Variants in ARHGAP44 observed in about 807,000 individuals in gnomAD.
The protein encoded by ARHGAP44 is rho GTPase-activating protein 44.
In ARHGAP44, 43 loss-of-function variants were observed where a neutral mutation model predicts 106.8. The observed-to-expected ratio is 0.40, with a 90% CI of 0.32 to 0.52. ARHGAP44 has a LOEUF of 0.52. Among genes scored for constraint, ARHGAP44 ranks in the 20% least tolerant of loss-of-function variants. ARHGAP44 has a pLI of 0.48. For synonymous variants in ARHGAP44, 439 were observed against 410.3 expected (o/e 1.07, Z -0.85); for missense variants, 866 against 1,050.5 (o/e 0.82, Z 2.43).
At chr17:12,794,078 G>A (rs73978216) in intron 1 of ARHGAP44, among the ~76,000 whole-genome samples, 3,413 of 152,264 alleles carry the variant, frequency 0.022, 69 homozygotes, top group African/African-American at 0.042. Context: ...TTTGGTTCTT[G>A]CCTGATTGAT....
At chr17:12,860,222 G>T (rs2036028824) in intron 1 of ARHGAP44, among the ~76,000 whole-genome samples, 1 of 152,128 alleles carries the variant, frequency 6.6e-6, no homozygotes, top group South Asian at 2.1e-4. Flanking sequence ...TTAATACATT[G>T]ACATTATCCA....
intron 1 of ARHGAP44, among the ~76,000 whole-genome samples, chr17:12,879,693 A>G (rs2036664967): frequency 1.0e-5 from 1 of 98,938 alleles, no homozygotes; most frequent in Admixed American, 1.2e-4. Flanking sequence ...GTATATATAT[A>G]TATACACATA....
At chr17:12,919,889 G>A in intron 6 of ARHGAP44, 58 bp downstream of exon 6, 1 of 1,490,598 alleles carries the variant, frequency 6.7e-7, no homozygotes. Flanking sequence ...CATATTTTGG[G>A]CGGGTGGGTT....
chr17:12,796,056 G>GA lies in ARHGAP44; in HGVS notation c.53+6174dup, dbSNP rs530183613. On this transcript the variant is annotated intron_variant, in intron 1 of 20. Coordinates refer to ENST00000379672, the MANE Select transcript of ARHGAP44 (RefSeq NM_014859.6). ...CATAAACTTATGGATGGGCTAAAAGGAAAAAAAAATCACCTATAATCTCAT... is the reference window on the plus strand; with the variant it reads ...CATAAACTTATGGATGGGCTAAAAGGAAAAAAAAAATCACCTATAATCTCAT... Among the ~76,000 whole-genome samples the GA allele has an allele frequency of 1.4e-4, 21 of 149,964 alleles. 1 individual carries two copies. The highest frequency in any genetic ancestry group is 5.3e-4 in the Admixed American group (8 of 15,030).
intron 18 of ARHGAP44, among the ~76,000 whole-genome samples, chr17:12,976,610 G>A (rs2039689288): frequency 1.4e-5 from 1 of 73,534 alleles, no homozygotes; most frequent in African/African-American, 6.2e-5. Flanking sequence ...GAGACTCTGT[G>A]TCAAAAAAAA....
At chr17:12,901,134 G>A (rs113872965) in intron 3 of ARHGAP44, among the ~76,000 whole-genome samples, 4,854 of 152,012 alleles carry the variant, frequency 0.032, 264 homozygotes, top group African/African-American at 0.11. Flanking sequence ...ATGTTGGCCA[G>A]GCTGGTATCA....
At chr17:12,846,755 A>G (rs921367692) in intron 1 of ARHGAP44, among the ~76,000 whole-genome samples, 2 of 152,268 alleles carry the variant, frequency 1.3e-5, no homozygotes, top group Admixed American at 1.3e-4. Flanking sequence ...GAATGAATGA[A>G]AAACAGGACC....
chr17:12,831,032 C>T (rs1409754972), intron 1 of ARHGAP44, among the ~76,000 whole-genome samples: 2 of 152,194 alleles, frequency 1.3e-5, no homozygotes, highest in Non-Finnish European at 2.9e-5. Flanking sequence ...TGTCCACTTG[C>T]ACAGTTTTTA....
At chr17:12,970,207 A>AG (rs398119709) in intron 16 of ARHGAP44, among the ~76,000 whole-genome samples, 1 of 151,856 alleles carries the variant, frequency 6.6e-6, no homozygotes, top group Non-Finnish European at 1.5e-5. Flanking sequence ...CTCTAAAAAA[A>AG]TTATGAAAAT....
At chr17:12,987,979 T>C (rs1357406869) in intron 20 of ARHGAP44, 2 of 152,066 alleles carry the variant, frequency 1.3e-5, no homozygotes, top group East Asian at 1.9e-4. Context: ...AACCAGGTCT[T>C]CTCCCCGATT....
intron 1 of ARHGAP44, among the ~76,000 whole-genome samples, chr17:12,843,326 C>T (rs1289641473): frequency 6.6e-6 from 1 of 152,166 alleles, no homozygotes; most frequent in Non-Finnish European, 1.5e-5. Context: ...GTGGATCTCA[C>T]CACGGTTCTC....
chr17:12,833,766 G>T (rs1317872461), intron 1 of ARHGAP44, among the ~76,000 whole-genome samples: 1 of 152,086 alleles, frequency 6.6e-6, no homozygotes, highest in Admixed American at 6.5e-5. Flanking sequence ...TGGAAAGGTG[G>T]GACATCTGGA....
intron 1 of ARHGAP44, among the ~76,000 whole-genome samples, chr17:12,865,880 A>G (rs1303837765): frequency 6.6e-6 from 1 of 152,118 alleles, no homozygotes; most frequent in African/African-American, 2.4e-5. Flanking sequence ...TATTTTTACC[A>G]GGACTTTATA....
At chr17:12,803,092 C>A (rs966183803) in intron 1 of ARHGAP44, among the ~76,000 whole-genome samples, 3 of 149,602 alleles carry the variant, frequency 2.0e-5, no homozygotes, top group Admixed American at 1.3e-4. Context: ...CCTGCCTCAG[C>A]CTCCCGAGTA....
intron 1 of ARHGAP44, among the ~76,000 whole-genome samples, chr17:12,888,402 G>C (rs9900027): frequency 0.2 from 30,066 of 152,026 alleles, 3,729 homozygotes; most frequent in East Asian, 0.44. Flanking sequence ...TTCTTCTTAT[G>C]CTGCTGTTAC....
intron 3 of ARHGAP44, among the ~76,000 whole-genome samples, chr17:12,904,064 C>G (rs572536877): frequency 6.6e-6 from 1 of 152,210 alleles, no homozygotes; most frequent in East Asian, 1.9e-4. Context: ...TTCTTCCTTT[C>G]TCTTGTCATT....
intron 18 of ARHGAP44, among the ~76,000 whole-genome samples, chr17:12,975,787 C>A (rs1343541482): frequency 2.4e-5 from 3 of 126,770 alleles, no homozygotes; most frequent in African/African-American, 6.3e-5. Flanking sequence ...GACAGCGTGA[C>A]TCCGTCTCAA....
At chr17:12,798,437 T>A (rs2033990579) in intron 1 of ARHGAP44, among the ~76,000 whole-genome samples, 1 of 152,216 alleles carries the variant, frequency 6.6e-6, no homozygotes, top group African/African-American at 2.4e-5. Context: ...TTTCTTTGAT[T>A]TTGACATCAC....
rs576599660 is a variant in ARHGAP44, at chr17:12,990,652, G to A, written c.*481G>A. 1 of 155,194 alleles carries A rather than the reference G, an allele frequency of 6.4e-6. No individual in the cohort carries two copies. The highest frequency in any genetic ancestry group is 2.0e-4 in the South Asian group (1 of 5,038). 9.6% of individuals were successfully genotyped at this position (155,194 alleles called of 1,614,324 possible). A position where few individuals can be genotyped will look rare whatever the true frequency, so the allele number is the denominator to read the frequency against. ...GCAGGGCCCCTCTCACCCACAACTGGACCAGGTCCAGGATTCTAGCAGTCC... is the reference window on the plus strand; with the variant it reads ...GCAGGGCCCCTCTCACCCACAACTGAACCAGGTCCAGGATTCTAGCAGTCC... On this transcript the variant is annotated 3_prime_UTR_variant, in exon 21 of 21. Coordinates refer to ENST00000379672, the MANE Select transcript of ARHGAP44 (RefSeq NM_014859.6).
Sources: allele counts gnomAD v4.1 joint callset (sites outside exome capture counted in the v4.1 genomes callset), GRCh38; gene constraint gnomAD v4.1.1; transcripts MANE v1.5; gene names NCBI Gene and HGNC (gene_info 2026-07-23, HGNC 2026-07-21).